The following ZNF487 variants were observed in gnomAD, a reference collection of about 807,000 sequenced individuals.
The protein encoded by ZNF487 is KRAB domain only 1.
Under a neutral mutation model 3.0 loss-of-function variants are expected in ZNF487, and 4 were observed. The observed-to-expected ratio is 1.35, with a 90% CI of 0.66 to 3.08. ZNF487 has a LOEUF of 3.08. ZNF487 is among the 30% of genes most tolerant of loss of function. The pLI, the probability that ZNF487 is intolerant of heterozygous loss-of-function variation, is 0.01. For synonymous variants in ZNF487, 55 were observed against 34.6 expected (o/e 1.59, Z -2.06); for missense variants, 146 against 98.7 (o/e 1.48, Z -2.03).
the ZNF487 span, among the ~76,000 whole-genome samples, chr10:43,498,439 C>T: frequency 0.73 from 108,828 of 149,444 alleles, 40,868 homozygotes; most frequent in East Asian, 0.93. Flanking sequence ...GCCACCATGC[C>T]GGCTAATTTT....
chr10:43,503,649 A>G, the ZNF487 span, among the ~76,000 whole-genome samples: 1 of 152,138 alleles, frequency 6.6e-6, no homozygotes, highest in Non-Finnish European at 1.5e-5. Context: ...TCTGTCGTCC[A>G]GGGTGGAGTA....
chr10:43,441,545 G>T (rs1305410938), intron 1 of ZNF487, among the ~76,000 whole-genome samples: 1 of 151,706 alleles, frequency 6.6e-6, no homozygotes, highest in Non-Finnish European at 1.5e-5. Context: ...GGGATTACAG[G>T]CATGAGCCAC....
At chr10:43,438,245 G>A (rs1461287859) in intron 1 of ZNF487, among the ~76,000 whole-genome samples, 1 of 152,068 alleles carries the variant, frequency 6.6e-6, no homozygotes, top group Non-Finnish European at 1.5e-5. Flanking sequence ...GAGTGCAGTG[G>A]CGTGATTTTG....
At chr10:43,449,450 CTATT>C (rs1839931153) in intron 1 of ZNF487, among the ~76,000 whole-genome samples, 1 of 152,134 alleles carries the variant, frequency 6.6e-6, no homozygotes, top group Admixed American at 6.6e-5. Context: ...AGTCAACTCA[CTATT>C]TAAAGCTAAT....
chr10:43,493,695 G>GAAAAAA, the ZNF487 span, among the ~76,000 whole-genome samples: 1 of 41,268 alleles, frequency 2.4e-5, no homozygotes, highest in African/African-American at 9.5e-5. Flanking sequence ...CTCAAAAAAA[G>GAAAAAA]AAAAAAAAAA....
At chr10:43,457,822 A>C (rs1460967894) in intron 1 of ZNF487, among the ~76,000 whole-genome samples, 2 of 152,070 alleles carry the variant, frequency 1.3e-5, no homozygotes, top group African/African-American at 2.4e-5. Flanking sequence ...GGAGATCGAG[A>C]CCATCTTGGC....
At chr10:43,465,082 C>T (rs1271829143) in intron 1 of ZNF487, among the ~76,000 whole-genome samples, 13 of 139,186 alleles carry the variant, frequency 9.3e-5, no homozygotes, top group East Asian at 4.6e-4. Flanking sequence ...GGCGGCTGGC[C>T]GGGCGGGGGG....
the ZNF487 span, among the ~76,000 whole-genome samples, chr10:43,515,607 C>T: frequency 6.6e-6 from 1 of 152,206 alleles, no homozygotes; most frequent in Non-Finnish European, 1.5e-5. Flanking sequence ...CCTAGCGTGG[C>T]TGTGCATTCA....
At chr10:43,508,231 A>G in the ZNF487 span, among the ~76,000 whole-genome samples, 1 of 152,232 alleles carries the variant, frequency 6.6e-6, no homozygotes, top group Admixed American at 6.5e-5. Flanking sequence ...GATGATAATG[A>G]TTTGAGGCTC....
chr10:43,507,876 G>A, the ZNF487 span, among the ~76,000 whole-genome samples: 1 of 152,214 alleles, frequency 6.6e-6, no homozygotes, highest in Non-Finnish European at 1.5e-5. Context: ...GACTGAAATG[G>A]AAAGCTGCAA....
chr10:43,453,604 A>G (rs1283332362), intron 1 of ZNF487: 1 of 152,218 alleles, frequency 6.6e-6, no homozygotes, highest in African/African-American at 2.4e-5. Flanking sequence ...TGGAAGATGA[A>G]GCCCACACAA....
the ZNF487 span, among the ~76,000 whole-genome samples, chr10:43,520,151 T>C: frequency 6.6e-6 from 1 of 152,008 alleles, no homozygotes; most frequent in Admixed American, 6.6e-5. Flanking sequence ...ATCTAATACC[T>C]GATTATCTGA....
At chr10:43,474,729 C>T (rs879389622) in intron 1 of ZNF487, among the ~76,000 whole-genome samples, 17 of 151,772 alleles carry the variant, frequency 1.1e-4, no homozygotes, top group East Asian at 1.9e-4. Flanking sequence ...ATTACAGGTG[C>T]GCACCACCAA....
chr10:43,465,114 CGGA>C (rs1840631317), intron 1 of ZNF487, among the ~76,000 whole-genome samples: 1 of 138,848 alleles, frequency 7.2e-6, no homozygotes, highest in Non-Finnish European at 1.6e-5. Context: ...ACCTCCCTCC[CGGA>C]TGGGGCGGCT....
chr10:43,456,583 T>G (rs1840211768), intron 1 of ZNF487, among the ~76,000 whole-genome samples: 1 of 152,078 alleles, frequency 6.6e-6, no homozygotes, highest in Non-Finnish European at 1.5e-5. Context: ...AAGAAAATTA[T>G]TTTTCTTTTT....
At chr10:43,487,199 G>T (rs1415997826), downstream of ZNF487, among the ~76,000 whole-genome samples, 1 of 148,684 alleles carries the variant, frequency 6.7e-6, no homozygotes, top group East Asian at 2.0e-4. Flanking sequence ...GAGTGCAGTG[G>T]CACGATCTCA....
the ZNF487 span, among the ~76,000 whole-genome samples, chr10:43,488,807 C>T: frequency 2.0e-5 from 3 of 152,134 alleles, no homozygotes; most frequent in East Asian, 5.8e-4. Flanking sequence ...GAAAGTATGG[C>T]TACTTCAACA....
chr10:43,493,704 AAAAAAATATAT>A, the ZNF487 span, among the ~76,000 whole-genome samples: 22 of 80,870 alleles, frequency 2.7e-4, no homozygotes, highest in Admixed American at 1.2e-3. Context: ...AGAAAAAAAA[AAAAAAATATAT>A]ATATATATAT....
chr10:43,466,623 C>T (rs971217312), intron 1 of ZNF487, among the ~76,000 whole-genome samples: 18 of 151,780 alleles, frequency 1.2e-4, no homozygotes, highest in Non-Finnish European at 2.4e-4. Context: ...GGCTGGTCTC[C>T]AACTCCTGAC....
Sources: allele counts gnomAD v4.1 joint callset (sites outside exome capture counted in the v4.1 genomes callset), GRCh38; gene constraint gnomAD v4.1.1; transcripts MANE v1.5; gene names NCBI Gene and HGNC (gene_info 2026-07-23, HGNC 2026-07-21).